HMGN5: variants seen among roughly 807,000 people sequenced by gnomAD.
The protein encoded by HMGN5 is high mobility group nucleosome binding domain 5, also known as high mobility group nucleosome-binding domain-containing protein 5.
HMGN5 carries 4 observed loss-of-function variants against 9.5 expected under a neutral mutation model. That is an observed-to-expected ratio of 0.42 (90% CI 0.21 to 0.96). HMGN5 has a LOEUF of 0.96. Among genes scored for constraint, HMGN5 ranks in the 40% least tolerant of loss-of-function variants. The pLI, the probability that HMGN5 is intolerant of heterozygous loss-of-function variation, is 0.30. For missense variants in HMGN5, 192 were observed against 187.5 expected, an observed-to-expected ratio of 1.02 and a Z score of -0.14; for synonymous variants, 55 against 57.1, an observed-to-expected ratio of 0.96 and a Z score of 0.16.
rs768181414 is a variant in HMGN5, at chrX:81,119,820, A to G, written c.16-3T>C. 2 of 1,198,757 alleles carry G rather than the reference A, an allele frequency of 1.7e-6. No homozygotes were observed. Among genetic ancestry groups the G allele is most frequent in the African/African-American group, 3.5e-5 (2 of 57,007 alleles). ...CTCATATCACCTTGACCTGCAGCCT[A>G]CACAGAGGAGAAAACCACACAGAAA... is the stretch of plus-strand genomic sequence containing the variant. On this transcript the variant is annotated splice_region_variant and splice_polypyrimidine_tract_variant and intron_variant, in intron 2 of 6. Transcript: ENST00000358130.
chrX:81,142,775 C>A (rs1382603350), intron 1 of HMGN5, among the ~76,000 whole-genome samples: 1 of 111,525 alleles, frequency 9.0e-6, no homozygotes, highest in Non-Finnish European at 1.9e-5. Context: ...TAAGTAATCA[C>A]CTGAAGGTAC....
At chrX:81,179,150 G>T (rs774136848) in intron 1 of HMGN5, among the ~76,000 whole-genome samples, 2 of 111,704 alleles carry the variant, frequency 1.8e-5, no homozygotes, top group South Asian at 3.8e-4. Context: ...ACAAGACAAG[G>T]ATGCCCTCTC....
At chrX:81,141,949 A>G (rs1602563864) in intron 1 of HMGN5, among the ~76,000 whole-genome samples, 1 of 112,240 alleles carries the variant, frequency 8.9e-6, no homozygotes, top group African/African-American at 3.2e-5. Flanking sequence ...GAAGCCAAAG[A>G]AATTTAAGAT....
At chrX:81,178,398 A>G (rs1440091996) in intron 1 of HMGN5, among the ~76,000 whole-genome samples, 1 of 111,806 alleles carries the variant, frequency 8.9e-6, no homozygotes, top group East Asian at 2.8e-4. Flanking sequence ...ATCCCACAGA[A>G]ATACAAATTA....
rs761895749 is a variant in HMGN5, at chrX:81,155,075, GTA to G, written c.-123-33405_-123-33404del. 8.9e-3 allele frequency among the ~76,000 whole-genome samples: 612 copies of G among 68,717 alleles called. 2 individuals are homozygous for G. Among genetic ancestry groups the G allele is most frequent in the African/African-American group, 0.025 (448 of 18,218 alleles). 59.7% of individuals were successfully genotyped at this position (68,717 alleles called of 115,157 possible). ...AAAGAAAGGATATCAGTATATATCA[GTA>G]TATATATATATATATATATATATAT... On this transcript the variant is annotated intron_variant, in intron 1 of 6. Coordinates refer to ENST00000358130, the MANE Select transcript of HMGN5 (RefSeq NM_030763.3).
chrX:81,183,909 G>GT (rs1470229206), intron 1 of HMGN5, among the ~76,000 whole-genome samples: 7 of 112,131 alleles, frequency 6.2e-5, no homozygotes, highest in South Asian at 3.7e-4. Flanking sequence ...TAACTAACTT[G>GT]TTTTTTATTT....
chrX:81,154,377 G>T (rs144576740), intron 1 of HMGN5, among the ~76,000 whole-genome samples: 1,666 of 111,238 alleles, frequency 0.015, 13 homozygotes, highest in Non-Finnish European at 0.024. Flanking sequence ...ATGGATTAAA[G>T]ACTTAAATCT....
chrX:81,142,693 A>G (rs936973552), intron 1 of HMGN5, among the ~76,000 whole-genome samples: 2 of 112,174 alleles, frequency 1.8e-5, no homozygotes, highest in South Asian at 3.6e-4. Flanking sequence ...AGTGATTTCA[A>G]CACCAGACAT....
chrX:81,197,777 T>C (rs1489470753), intron 1 of HMGN5: 7 of 105,781 alleles, frequency 6.6e-5, no homozygotes, highest in Non-Finnish European at 1.4e-4. Flanking sequence ...AGGGATGTCA[T>C]ACTACGGTAG....
At chrX:81,166,549 CA>C (rs1235827140) in intron 1 of HMGN5, among the ~76,000 whole-genome samples, 1 of 111,330 alleles carries the variant, frequency 9.0e-6, no homozygotes, top group Non-Finnish European at 1.9e-5. Flanking sequence ...TGATCTTTAT[CA>C]GTTTAAAAGG....
intron 1 of HMGN5, among the ~76,000 whole-genome samples, chrX:81,187,015 T>A (rs765758081): frequency 1.8e-5 from 2 of 112,037 alleles, no homozygotes; most frequent in African/African-American, 6.5e-5. Flanking sequence ...TTCCTAAATT[T>A]CTCTTGTCAT....
chrX:81,132,345 A>G (rs993876564), intron 1 of HMGN5, among the ~76,000 whole-genome samples: 5 of 111,927 alleles, frequency 4.5e-5, no homozygotes, highest in African/African-American at 1.6e-4. Flanking sequence ...CATTCTTCAC[A>G]GAACTAGAAC....
intron 1 of HMGN5, among the ~76,000 whole-genome samples, chrX:81,195,640 C>A (rs1390143889): frequency 9.0e-6 from 1 of 111,523 alleles, no homozygotes; most frequent in Non-Finnish European, 1.9e-5. Context: ...AATTTATTCG[C>A]TCCTCCTCTG....
chrX:81,131,233 T>C (rs1180398747), intron 1 of HMGN5, among the ~76,000 whole-genome samples: 1 of 111,884 alleles, frequency 8.9e-6, no homozygotes, highest in Non-Finnish European at 1.9e-5. Context: ...TTGAGAAGCA[T>C]TGCTCTATTA....
At chrX:81,147,441 C>T (rs760128809) in intron 1 of HMGN5, among the ~76,000 whole-genome samples, 1 of 111,367 alleles carries the variant, frequency 9.0e-6, no homozygotes, top group African/African-American at 3.3e-5. Context: ...TAGCTTCATG[C>T]CAAAAACGCT....
intron 1 of HMGN5, among the ~76,000 whole-genome samples, chrX:81,192,983 T>C (rs977394811): frequency 9.0e-6 from 1 of 111,416 alleles, no homozygotes; most frequent in Non-Finnish European, 1.9e-5. Flanking sequence ...TTATTTTCAA[T>C]CGAGTGCTAG....
chrX:81,133,236 A>G (rs2075302566), intron 1 of HMGN5, among the ~76,000 whole-genome samples: 2 of 111,621 alleles, frequency 1.8e-5, no homozygotes, highest in Admixed American at 9.5e-5. Flanking sequence ...AGAAAAAGGA[A>G]CGCTTATACA....
intron 1 of HMGN5, among the ~76,000 whole-genome samples, chrX:81,195,618 C>CA (rs1430331876): frequency 9.0e-6 from 1 of 111,373 alleles, no homozygotes; most frequent in Non-Finnish European, 1.9e-5. Flanking sequence ...TGTCTCTTTC[C>CA]AATGATAACC....
intron 1 of HMGN5, 142 bp downstream of exon 1, chrX:81,201,595 C>T (rs1239217872): frequency 2.7e-5 from 3 of 111,869 alleles, no homozygotes; most frequent in African/African-American, 9.7e-5. Flanking sequence ...CTTAAGGAAA[C>T]CTGAAACTTT....
Sources: gnomAD v4.1 joint callset for allele counts (sites outside exome capture counted in the v4.1 genomes callset) on GRCh38, gnomAD v4.1.1 for gene constraint, MANE v1.5 for transcripts, NCBI Gene and HGNC (gene_info 2026-07-23, HGNC 2026-07-21) for gene names.